CAMKMT: variants seen among roughly 807,000 people sequenced by gnomAD.
CAMKMT encodes calmodulin-lysine N-methyltransferase, also known as CaM KMT.
CAMKMT carries 53 observed loss-of-function variants against 48.0 expected under a neutral mutation model. The ratio of observed to expected loss-of-function variants is 1.10; its 90% CI spans 0.89 to 1.39. The LOEUF (loss-of-function observed/expected upper bound fraction) is 1.39. CAMKMT is among the 40% of genes most tolerant of loss of function. CAMKMT has a pLI of 0.00. For missense variants in CAMKMT, 428 were observed against 402.7 expected (o/e 1.06, Z -0.54); for synonymous variants, 165 against 152.3 (o/e 1.08, Z -0.61).
intron 3 of CAMKMT, among the ~76,000 whole-genome samples, chr2:44,514,293 A>T (rs775298243): frequency 6.6e-6 from 1 of 152,044 alleles, no homozygotes; most frequent in Non-Finnish European, 1.5e-5. Context: ...ATGCCAGATG[A>T]TGTAGGAAAA....
Position 44,619,857 on chromosome 2 carries a change from A to G in CAMKMT, c.377-84426A>G, listed in dbSNP as rs1041791562. Among the ~76,000 whole-genome samples, 15 of 152,358 alleles carry G rather than the reference A, an allele frequency of 9.8e-5. No homozygotes were observed. In the South Asian group the frequency reaches 1.4e-3, roughly 15 times the overall value. ...TGATATGTAGGAAATAAATATTTCA[A>G]CATTAGACTCATGTTTTCAAAGTGG... On this transcript the variant is annotated intron_variant, in intron 3 of 10. Coordinates refer to ENST00000378494, the MANE Select transcript of CAMKMT (RefSeq NM_024766.5).
At chr2:44,538,271 A>G (rs1245261113) in intron 3 of CAMKMT, among the ~76,000 whole-genome samples, 1 of 151,926 alleles carries the variant, frequency 6.6e-6, no homozygotes, top group East Asian at 1.9e-4. Flanking sequence ...CGGGAAGCTG[A>G]GGCAGAGAAT....
At chr2:44,368,022 T>C (rs896133646) in intron 1 of CAMKMT, among the ~76,000 whole-genome samples, 1 of 152,262 alleles carries the variant, frequency 6.6e-6, no homozygotes, top group Non-Finnish European at 1.5e-5. Context: ...ACTTCCATTG[T>C]GTTCAGTTGC....
Position 44,707,444 on chromosome 2 carries a change from AATGAAAAGGCCATCAGAAGT to A in CAMKMT, c.541_556+4del, listed in dbSNP as rs1373080142. 4 of 1,612,588 alleles carry A rather than the reference AATGAAAAGGCCATCAGAAGT, an allele frequency of 2.5e-6. No individual in the cohort carries two copies. Among genetic ancestry groups the A allele is most frequent in the Middle Eastern group, 1.7e-4 (1 of 6,046 alleles). On this transcript the variant is annotated splice_donor_variant and coding_sequence_variant, in exon 6 of 11. Coordinates refer to ENST00000378494, the MANE Select transcript of CAMKMT (RefSeq NM_024766.5). LOFTEE classifies it high-confidence loss of function. ...CAAAGAAGTTCTGTTAACTGATGGG[AATGAAAAGGCCATCAGAAGT>A]ATCCTTATTCAGATAGAAAACGGGT...
intron 3 of CAMKMT, among the ~76,000 whole-genome samples, chr2:44,661,542 C>T (rs1291099035): frequency 6.6e-6 from 1 of 152,094 alleles, no homozygotes; most frequent in Non-Finnish European, 1.5e-5. Context: ...TCTTGAACTC[C>T]TGACCTCAGG....
chr2:44,571,316 A>AG (rs1282836257), intron 3 of CAMKMT, among the ~76,000 whole-genome samples: 1 of 152,192 alleles, frequency 6.6e-6, no homozygotes, highest in Non-Finnish European at 1.5e-5. Context: ...GTAAAAGAGA[A>AG]GGGGTCTCCT....
chr2:44,758,831 G>T (rs1680490777), intron 9 of CAMKMT, among the ~76,000 whole-genome samples: 1 of 152,194 alleles, frequency 6.6e-6, no homozygotes. Context: ...CTTTCGTCCA[G>T]AAATGACAAC....
intron 3 of CAMKMT, among the ~76,000 whole-genome samples, chr2:44,685,501 A>T (rs1676287715): frequency 6.6e-6 from 1 of 152,168 alleles, no homozygotes; most frequent in Non-Finnish European, 1.5e-5. Flanking sequence ...GTCCTTTCCA[A>T]CTTGCTCTTG....
chr2:44,465,186 G>T (rs949786755), intron 3 of CAMKMT, among the ~76,000 whole-genome samples: 1 of 152,118 alleles, frequency 6.6e-6, no homozygotes, highest in Non-Finnish European at 1.5e-5. Context: ...TAAGTTATCA[G>T]TTTAAAAGAG....
At chr2:44,486,428 C>T (rs910595122) in intron 3 of CAMKMT, among the ~76,000 whole-genome samples, 2 of 152,098 alleles carry the variant, frequency 1.3e-5, no homozygotes, top group Non-Finnish European at 2.9e-5. Flanking sequence ...TTTTCCAATA[C>T]AGAGCAGAGG....
At chr2:44,616,687 TG>T (rs1170177224) in intron 3 of CAMKMT, among the ~76,000 whole-genome samples, 1 of 152,138 alleles carries the variant, frequency 6.6e-6, no homozygotes, top group Non-Finnish European at 1.5e-5. Flanking sequence ...TCAACTGACA[TG>T]GGGAATTACC....
chr2:44,519,543 T>C (rs957250563), intron 3 of CAMKMT, among the ~76,000 whole-genome samples: 150 of 152,308 alleles, frequency 9.8e-4, no homozygotes, highest in African/African-American at 3.4e-3. Flanking sequence ...CAAGGAAGGA[T>C]TAAGGATAAT....
At chr2:44,455,024 G>A (rs1667485477) in intron 3 of CAMKMT, among the ~76,000 whole-genome samples, 1 of 152,096 alleles carries the variant, frequency 6.6e-6, no homozygotes, top group South Asian at 2.1e-4. Context: ...AGGCAGAAGG[G>A]CATCATCACA....
intron 8 of CAMKMT, among the ~76,000 whole-genome samples, chr2:44,749,899 C>A (rs1226403611): frequency 6.6e-6 from 1 of 152,082 alleles, no homozygotes; most frequent in African/African-American, 2.4e-5. Flanking sequence ...TGTGAAGAGA[C>A]AGGAGGCCAA....
chr2:44,622,733 C>A (rs182445365), intron 3 of CAMKMT, among the ~76,000 whole-genome samples: 1 of 152,158 alleles, frequency 6.6e-6, no homozygotes, highest in African/African-American at 2.4e-5. Context: ...TTTATCCAGT[C>A]CACTGTTGAT....
intron 3 of CAMKMT, among the ~76,000 whole-genome samples, chr2:44,566,960 C>T (rs1668647898): frequency 1.3e-5 from 2 of 152,076 alleles, no homozygotes; most frequent in East Asian, 1.9e-4. Context: ...GTTAAACAGT[C>T]GTAGTAGTAG....
At chr2:44,723,613 T>G in intron 7 of CAMKMT, 1 of 76,692 alleles carries the variant, frequency 1.3e-5, no homozygotes, top group Non-Finnish European at 3.2e-5. Flanking sequence ...CATACATAAA[T>G]AAATAAATAA....
intron 3 of CAMKMT, among the ~76,000 whole-genome samples, chr2:44,423,369 G>T (rs563123144): frequency 6.6e-6 from 1 of 151,920 alleles, no homozygotes; most frequent in African/African-American, 2.4e-5. Flanking sequence ...TAGTAGAGAC[G>T]GGGTGTTACC....
At chr2:44,542,053 C>G (rs578205914) in intron 3 of CAMKMT, among the ~76,000 whole-genome samples, 1 of 148,468 alleles carries the variant, frequency 6.7e-6, no homozygotes, top group African/African-American at 2.5e-5. Flanking sequence ...CGCTTGAAAC[C>G]GGGAGGCGGA....
Sources: gnomAD v4.1 joint callset for allele counts (sites outside exome capture counted in the v4.1 genomes callset) on GRCh38, gnomAD v4.1.1 for gene constraint, MANE v1.5 for transcripts, NCBI Gene and HGNC (gene_info 2026-07-23, HGNC 2026-07-21) for gene names.